Variants in GRIK4 observed in about 807,000 individuals in gnomAD.
The protein encoded by GRIK4 is glutamate ionotropic receptor kainate type subunit 4, also known as glutamate receptor ionotropic, kainate 4.
A neutral mutation model predicts 104.9 loss-of-function variants in GRIK4; 40 were observed. The ratio of observed to expected loss-of-function variants is 0.38; its 90% CI spans 0.30 to 0.50. The LOEUF (loss-of-function observed/expected upper bound fraction) is 0.50, where lower values mean the gene tolerates loss of function less well. GRIK4 is among the 20% of genes least tolerant of loss of function. The probability of loss-of-function intolerance (pLI) is 0.93; values close to 1 mark genes in which losing one functional copy is unlikely to be tolerated. For synonymous variants in GRIK4, 485 were observed against 524.9 expected (o/e 0.92, Z 1.04); for missense variants, 1,047 against 1,308.1 (o/e 0.80, Z 3.08).
At chr11:120,515,307 C>G (rs2136068700) in intron 1 of GRIK4, among the ~76,000 whole-genome samples, 1 of 152,314 alleles carries the variant, frequency 6.6e-6, no homozygotes, top group South Asian at 2.1e-4. Flanking sequence ...CCTGCATGAC[C>G]TCGGACAAGT....
chr11:120,771,345 G>T (rs960203698), intron 3 of GRIK4, among the ~76,000 whole-genome samples: 1 of 152,180 alleles, frequency 6.6e-6, no homozygotes, highest in African/African-American at 2.4e-5. Context: ...TTATAAAGTG[G>T]CAAAGAATGT....
chr11:120,890,105 T>C (rs1955242104), intron 11 of GRIK4, among the ~76,000 whole-genome samples: 1 of 152,146 alleles, frequency 6.6e-6, no homozygotes, highest in Non-Finnish European at 1.5e-5. Flanking sequence ...CCACCAAATA[T>C]ACAATGGTAC....
intron 1 of GRIK4, among the ~76,000 whole-genome samples, chr11:120,570,941 G>T (rs1262150902): frequency 6.6e-6 from 1 of 152,104 alleles, no homozygotes; most frequent in Non-Finnish European, 1.5e-5. Flanking sequence ...TCTGAAGTTG[G>T]TAACTGCCTT....
rs904604666 is a variant in GRIK4, at chr11:120,727,806, C to G, written c.82+67406C>G. ...AATGAAAATAAAACTATAAGGAGCACAAGAACCAATAAACACTATAAATAA... is the reference window on the plus strand; with the variant it reads ...AATGAAAATAAAACTATAAGGAGCAGAAGAACCAATAAACACTATAAATAA... On this transcript the variant is annotated intron_variant, in intron 3 of 20. Transcript: ENST00000527524. Among the ~76,000 whole-genome samples, 10 of 151,688 alleles carry G rather than the reference C, an allele frequency of 6.6e-5. No individual in the cohort carries two copies. The East Asian group carries it at 1.9e-3, about 29-fold the overall frequency.
intron 1 of GRIK4, among the ~76,000 whole-genome samples, chr11:120,569,724 G>A (rs1403518752): frequency 6.6e-6 from 1 of 152,228 alleles, no homozygotes; most frequent in Non-Finnish European, 1.5e-5. Context: ...TGGCAGAGGA[G>A]AAATTCTGGA....
chr11:120,711,870 C>A (rs117259366), intron 3 of GRIK4, among the ~76,000 whole-genome samples: 2 of 152,158 alleles, frequency 1.3e-5, no homozygotes, highest in East Asian at 3.8e-4. Flanking sequence ...GGGTTCTGTA[C>A]GGGATGAAAA....
At position 120,790,006 on chromosome 11, in the gene GRIK4, C is replaced by G. The variant is rs372118144; in HGVS notation, c.83-12687C>G. On this transcript the variant is annotated intron_variant, in intron 3 of 20. Coordinates refer to ENST00000527524, the MANE Select transcript of GRIK4 (RefSeq NM_014619.5). ...CTTCATTGTACAGTAAAGTCTGGCT[C>G]TGTCCTCTGACCCCAGGATGCCTTC... Among the ~76,000 whole-genome samples the G allele has an allele frequency of 2.1e-3, 313 of 152,290 alleles. 2 individuals are homozygous for G. The highest frequency in any genetic ancestry group is 7.3e-3 in the African/African-American group (302 of 41,552).
At chr11:120,714,150 C>T (rs1950786690) in intron 3 of GRIK4, among the ~76,000 whole-genome samples, 1 of 152,174 alleles carries the variant, frequency 6.6e-6, no homozygotes, top group Admixed American at 6.5e-5. Context: ...GTTGAGACAC[C>T]ATGTGGATGC....
intron 11 of GRIK4, among the ~76,000 whole-genome samples, chr11:120,894,989 G>T (rs928620969): frequency 6.6e-6 from 1 of 151,594 alleles, no homozygotes; most frequent in South Asian, 2.1e-4. Flanking sequence ...GGGCTAATGG[G>T]AGGGTGGGTG....
intron 3 of GRIK4, among the ~76,000 whole-genome samples, chr11:120,784,374 G>A (rs142035450): frequency 1.3e-5 from 2 of 152,256 alleles, no homozygotes; most frequent in African/African-American, 4.8e-5. Flanking sequence ...TCGAAGTAAT[G>A]GCCCTCCAGA....
At chr11:120,913,849 G>C (rs1943049746) in intron 13 of GRIK4, among the ~76,000 whole-genome samples, 1 of 121,506 alleles carries the variant, frequency 8.2e-6, no homozygotes, top group African/African-American at 2.8e-5. Context: ...GAGACATTTT[G>C]CTGAACTAAA....
intron 2 of GRIK4, among the ~76,000 whole-genome samples, chr11:120,658,915 A>T (rs909510615): frequency 2.2e-4 from 34 of 151,350 alleles, no homozygotes; most frequent in African/African-American, 7.8e-4. Flanking sequence ...CACCTGGCTA[A>T]TTTTTTGTAT....
chr11:120,963,847 T>G (rs906460186), intron 18 of GRIK4, among the ~76,000 whole-genome samples: 1 of 152,100 alleles, frequency 6.6e-6, no homozygotes, highest in Non-Finnish European at 1.5e-5. Context: ...AATACCTACA[T>G]TATGGGGTTG....
In GRIK4 at chr11:120,940,490, T is replaced by C. The variant is rs1483614807; in HGVS notation, c.1590+30T>C. ...GAGACTTATTTTATAAGCATTTATG[T>C]CATTAAAGTTATTTGCATGCAAACA... On this transcript the variant is annotated intron_variant, in intron 14 of 20. Transcript: ENST00000527524. The surrounding 1 kb of genome is among the most constrained non-coding windows in gnomAD (Gnocchi z 4.3). 1 of 1,230,680 alleles carries C rather than the reference T, an allele frequency of 8.1e-7. No homozygotes were observed. The highest frequency in any genetic ancestry group is 2.3e-5 in the East Asian group (1 of 43,090). 76.2% of individuals were successfully genotyped at this position (1,230,680 alleles called of 1,614,324 possible).
intron 3 of GRIK4, among the ~76,000 whole-genome samples, chr11:120,662,128 G>T (rs887938216): frequency 6.6e-6 from 1 of 152,226 alleles, no homozygotes; most frequent in Non-Finnish European, 1.5e-5. Context: ...CGACACTTGT[G>T]CTCTGGGAGG....
intron 6 of GRIK4, among the ~76,000 whole-genome samples, chr11:120,825,027 C>T (rs934638689): frequency 2.0e-5 from 3 of 151,612 alleles, no homozygotes; most frequent in Admixed American, 6.6e-5. Context: ...TGGGTTCAAG[C>T]GATTCTCCTG....
At chr11:120,560,652 ATTAGT>A (rs1458810429) in intron 1 of GRIK4, among the ~76,000 whole-genome samples, 1 of 152,218 alleles carries the variant, frequency 6.6e-6, no homozygotes, top group Non-Finnish European at 1.5e-5. Context: ...TCCTCCATTC[ATTAGT>A]TGAGTGGTCT....
chr11:120,844,752 C>A (rs1247356262), intron 8 of GRIK4, among the ~76,000 whole-genome samples: 1 of 152,174 alleles, frequency 6.6e-6, no homozygotes, highest in African/African-American at 2.4e-5. Flanking sequence ...CTGAGCTGGA[C>A]AGATTTGAAG....
Position 120,622,196 on chromosome 11 carries a change from C to T in GRIK4, c.-158-31489C>T, listed in dbSNP as rs182819412. ...GATTACAGGCGTGAAGCACCGCCCC[C>T]GGCCTTATTATTATTTTTAACTGTG... On this transcript the variant is annotated intron_variant, in intron 1 of 20. Transcript: ENST00000527524. Among the ~76,000 whole-genome samples the T allele has an allele frequency of 6.9e-3, 1,046 of 151,442 alleles. 18 individuals carry two copies. Among genetic ancestry groups the T allele is most frequent in the African/African-American group, 0.024 (994 of 40,752 alleles).
Sources: gnomAD v4.1 joint callset for allele counts (sites outside exome capture counted in the v4.1 genomes callset) on GRCh38, gnomAD v4.1.1 for gene constraint, Gnocchi (gnomAD v3.1) non-coding constraint, MANE v1.5 for transcripts, NCBI Gene and HGNC (gene_info 2026-07-23, HGNC 2026-07-21) for gene names.